FSTL5: variants seen among roughly 807,000 people sequenced by gnomAD.
The protein encoded by FSTL5 is follistatin like 5.
A neutral mutation model predicts 89.1 loss-of-function variants in FSTL5; 62 were observed. The ratio of observed to expected loss-of-function variants is 0.70; its 90% CI spans 0.57 to 0.86. The LOEUF is 0.86. FSTL5 is among the 40% of genes least tolerant of loss of function. The pLI is 0.00. For synonymous variants in FSTL5, 383 were observed against 346.2 expected (o/e 1.11, Z -1.18); for missense variants, 1,057 against 1,001.6 (o/e 1.06, Z -0.75).
chr4:161,834,868 C>T (rs1419372568), intron 4 of FSTL5, among the ~76,000 whole-genome samples: 1 of 151,804 alleles, frequency 6.6e-6, no homozygotes, highest in Admixed American at 6.6e-5. Context: ...ATGAAAATGG[C>T]CATACTGCCC....
chr4:161,644,043 G>A (rs1449197382), intron 7 of FSTL5, among the ~76,000 whole-genome samples: 1 of 151,928 alleles, frequency 6.6e-6, no homozygotes, highest in Non-Finnish European at 1.5e-5. Context: ...GAGAAGAAAA[G>A]TGAGAACAGT....
intron 6 of FSTL5, among the ~76,000 whole-genome samples, chr4:161,662,937 T>C (rs1032000903): frequency 2.0e-5 from 3 of 151,720 alleles, no homozygotes; most frequent in Admixed American, 2.0e-4. Context: ...CGGCAGGAGG[T>C]GAAAGGCACT....
At chr4:162,004,868 T>C (rs923399644) in intron 3 of FSTL5, among the ~76,000 whole-genome samples, 11 of 152,180 alleles carry the variant, frequency 7.2e-5, no homozygotes, top group African/African-American at 2.7e-4. Flanking sequence ...AAATATTTAC[T>C]GATTTCCATA....
intron 1 of FSTL5, among the ~76,000 whole-genome samples, chr4:162,130,927 C>A (rs1732279172): frequency 6.6e-6 from 1 of 151,910 alleles, no homozygotes; most frequent in Admixed American, 6.6e-5. Context: ...GCCAATAACA[C>A]ATTGAACATA....
intron 1 of FSTL5, among the ~76,000 whole-genome samples, chr4:162,113,359 C>T (rs1217946266): frequency 6.6e-6 from 1 of 151,942 alleles, no homozygotes; most frequent in Non-Finnish European, 1.5e-5. Flanking sequence ...CCAAACTTTG[C>T]TTCCCCTCCA....
At chr4:161,416,377 T>C (rs1399651324) in intron 15 of FSTL5, among the ~76,000 whole-genome samples, 1 of 152,156 alleles carries the variant, frequency 6.6e-6, no homozygotes, top group Non-Finnish European at 1.5e-5. Flanking sequence ...TCACAAGCTT[T>C]TTCTGTTTGT....
intron 15 of FSTL5, among the ~76,000 whole-genome samples, chr4:161,405,822 C>G (rs948947063): frequency 6.6e-6 from 1 of 152,104 alleles, no homozygotes; most frequent in African/African-American, 2.4e-5. Flanking sequence ...ACAAAAGATC[C>G]TAAATAAGAT....
chr4:161,876,489 A>G (rs1361863925), intron 4 of FSTL5, among the ~76,000 whole-genome samples: 1 of 152,216 alleles, frequency 6.6e-6, no homozygotes, highest in Non-Finnish European at 1.5e-5. Context: ...ACGCCTCACA[A>G]AAAGTTACTT....
intron 4 of FSTL5, among the ~76,000 whole-genome samples, chr4:161,799,117 A>G (rs1729721544): frequency 6.6e-6 from 1 of 151,806 alleles, no homozygotes; most frequent in Non-Finnish European, 1.5e-5. Context: ...GAAAGTGTGG[A>G]GGAGTCATTT....
At chr4:161,521,555 A>AG (rs1731022623) in intron 10 of FSTL5, among the ~76,000 whole-genome samples, 1 of 152,118 alleles carries the variant, frequency 6.6e-6, no homozygotes, top group African/African-American at 2.4e-5. Context: ...GCCTGGTTAA[A>AG]GAAAAACTGG....
At chr4:162,027,254 T>C (rs1248420470) in intron 3 of FSTL5, among the ~76,000 whole-genome samples, 1 of 152,154 alleles carries the variant, frequency 6.6e-6, no homozygotes, top group Non-Finnish European at 1.5e-5. Flanking sequence ...ACTACCCTTA[T>C]ACCTAGAAAA....
chr4:161,860,753 C>T (rs923301884), intron 4 of FSTL5, among the ~76,000 whole-genome samples: 1 of 152,062 alleles, frequency 6.6e-6, no homozygotes, highest in Admixed American at 6.6e-5. Flanking sequence ...CTTACATGGT[C>T]CACATTGCAA....
At chr4:162,078,439 T>C (rs1729955065) in intron 2 of FSTL5, among the ~76,000 whole-genome samples, 1 of 151,850 alleles carries the variant, frequency 6.6e-6, no homozygotes, top group African/African-American at 2.4e-5. Context: ...TGGAAGGAAA[T>C]AATTGCTTGT....
chr4:161,600,437 T>A (rs188245543), intron 7 of FSTL5, among the ~76,000 whole-genome samples: 251 of 146,204 alleles, frequency 1.7e-3, no homozygotes, highest in African/African-American at 5.9e-3. Context: ...TATAGATATA[T>A]CTCTTTTTTT....
intron 3 of FSTL5, among the ~76,000 whole-genome samples, chr4:161,936,746 C>A (rs139744732): frequency 1.7e-3 from 253 of 152,182 alleles, no homozygotes; most frequent in African/African-American, 5.7e-3. Context: ...CACAGCTAAA[C>A]CATATGGAAT....
At chr4:161,856,989 C>A (rs780803756) in intron 4 of FSTL5, among the ~76,000 whole-genome samples, 3 of 151,930 alleles carry the variant, frequency 2.0e-5, no homozygotes, top group Non-Finnish European at 4.4e-5. Flanking sequence ...AGATGAGAGG[C>A]AAGATAGATA....
intron 4 of FSTL5, among the ~76,000 whole-genome samples, chr4:161,862,343 G>C (rs1284615174): frequency 6.6e-6 from 1 of 152,158 alleles, no homozygotes; most frequent in Non-Finnish European, 1.5e-5. Flanking sequence ...TTTTAAAGCA[G>C]TAATAACATC....
chr4:161,917,249 C>T (rs1428615609), intron 4 of FSTL5, among the ~76,000 whole-genome samples: 1 of 152,278 alleles, frequency 6.6e-6, no homozygotes. Flanking sequence ...AGCCACCGCG[C>T]CCAACCTTTA....
intron 2 of FSTL5, among the ~76,000 whole-genome samples, chr4:162,038,190 A>C (rs557756404): frequency 2.6e-5 from 4 of 152,032 alleles, no homozygotes; most frequent in Admixed American, 2.0e-4. Context: ...AAAATAAGAA[A>C]TATATTTGGT....
Sources: allele counts gnomAD v4.1 joint callset (sites outside exome capture counted in the v4.1 genomes callset), GRCh38; gene constraint gnomAD v4.1.1; transcripts MANE v1.5; gene names NCBI Gene and HGNC (gene_info 2026-07-23, HGNC 2026-07-21).